Variants in CNTN4 observed in about 807,000 individuals in gnomAD.
CNTN4 encodes contactin-4.
In CNTN4, 77 loss-of-function variants were observed where a neutral mutation model predicts 122.5. The ratio of observed to expected loss-of-function variants is 0.63; its 90% CI spans 0.52 to 0.76. The LOEUF (loss-of-function observed/expected upper bound fraction) is 0.76, where lower values mean the gene tolerates loss of function less well. Ranked by LOEUF, CNTN4 falls within the 30% of genes least tolerant of loss-of-function variation. The pLI is 0.00. For synonymous variants in CNTN4, 512 were observed against 447.0 expected (o/e 1.15, Z -1.83); for missense variants, 1,256 against 1,259.1 (o/e 1.00, Z 0.04).
intron 6 of CNTN4, among the ~76,000 whole-genome samples, chr3:2,746,068 A>G (rs5019647): frequency 4.9e-4 from 15 of 30,658 alleles, no homozygotes; most frequent in Non-Finnish European, 1.5e-3. Flanking sequence ...GTGTATAAGC[A>G]AGCAATTGAA....
chr3:2,283,483 G>T (rs2041797720), intron 2 of CNTN4, among the ~76,000 whole-genome samples: 1 of 152,094 alleles, frequency 6.6e-6, no homozygotes, highest in Non-Finnish European at 1.5e-5. Context: ...ATATGTCACT[G>T]AAACAGGCTC....
intron 7 of CNTN4, among the ~76,000 whole-genome samples, chr3:2,849,764 A>T (rs903350514): frequency 6.6e-6 from 1 of 152,224 alleles, no homozygotes; most frequent in Admixed American, 6.5e-5. Flanking sequence ...GTTGTCTCCT[A>T]TGGCCAGCCA....
At chr3:2,977,119 T>A (rs1259426115) in intron 13 of CNTN4, among the ~76,000 whole-genome samples, 1 of 152,214 alleles carries the variant, frequency 6.6e-6, no homozygotes, top group African/African-American at 2.4e-5. Context: ...CCTTCTACAT[T>A]GTGACTATTT....
intron 2 of CNTN4, among the ~76,000 whole-genome samples, chr3:2,214,242 A>C (rs2038740030): frequency 1.3e-5 from 2 of 152,130 alleles, no homozygotes; most frequent in South Asian, 4.1e-4. Flanking sequence ...GGGGATACAC[A>C]CTTCAATTGA....
intron 3 of CNTN4, among the ~76,000 whole-genome samples, chr3:2,553,397 T>G (rs956643665): frequency 1.3e-5 from 2 of 152,194 alleles, no homozygotes; most frequent in African/African-American, 4.8e-5. Flanking sequence ...TTCATTTAAA[T>G]TAATATGTAA....
chr3:2,589,794 G>A (rs901164185), intron 4 of CNTN4, among the ~76,000 whole-genome samples: 1 of 152,132 alleles, frequency 6.6e-6, no homozygotes, highest in African/African-American at 2.4e-5. Context: ...TTGACGGTAG[G>A]CCTCTCTTCT....
chr3:2,828,224 A>T (rs776838824), intron 7 of CNTN4, among the ~76,000 whole-genome samples: 6 of 152,118 alleles, frequency 3.9e-5, no homozygotes, highest in Non-Finnish European at 7.3e-5. Flanking sequence ...TAATGGTTTT[A>T]GGTCCTGAGT....
chr3:2,481,224 T>G (rs1292561496), intron 3 of CNTN4, among the ~76,000 whole-genome samples: 2 of 151,836 alleles, frequency 1.3e-5, no homozygotes, highest in African/African-American at 2.4e-5. Context: ...CACTGCAACC[T>G]CCACCTCCCA....
At chr3:2,272,744 G>T (rs1465601843) in intron 2 of CNTN4, among the ~76,000 whole-genome samples, 1 of 152,010 alleles carries the variant, frequency 6.6e-6, no homozygotes, top group Non-Finnish European at 1.5e-5. Context: ...TTGCAATTAA[G>T]TGATTACTTA....
chr3:2,636,994 G>A (rs1359870924), intron 4 of CNTN4, among the ~76,000 whole-genome samples: 2 of 143,534 alleles, frequency 1.4e-5, no homozygotes, highest in Non-Finnish European at 3.0e-5. Context: ...CTGGAGTGCG[G>A]TGAGTGGCAT....
chr3:2,437,041 A>T (rs778314615), intron 3 of CNTN4, among the ~76,000 whole-genome samples: 1 of 151,840 alleles, frequency 6.6e-6, no homozygotes, highest in Middle Eastern at 3.2e-3. Flanking sequence ...CCTTAGATAA[A>T]ATGTTTACTT....
intron 13 of CNTN4, among the ~76,000 whole-genome samples, chr3:2,936,460 A>G (rs1011987013): frequency 1.3e-5 from 2 of 152,202 alleles, no homozygotes; most frequent in African/African-American, 4.8e-5. Flanking sequence ...AGGTATGACA[A>G]CGTAGCAGTG....
At chr3:2,301,543 T>C (rs1178493) in intron 2 of CNTN4, among the ~76,000 whole-genome samples, 66,324 of 152,044 alleles carry the variant, frequency 0.44, 15,072 homozygotes, top group East Asian at 0.6. Flanking sequence ...GAGGCCCTGA[T>C]CTTTTTTGTT....
chr3:2,181,407 A>T (rs1575019366), intron 2 of CNTN4, among the ~76,000 whole-genome samples: 1 of 152,114 alleles, frequency 6.6e-6, no homozygotes, highest in Non-Finnish European at 1.5e-5. Flanking sequence ...GAAAATTCAC[A>T]TTTAGTAGAA....
rs189398905 is a variant in CNTN4 at position 3,056,371 on chromosome 3, C to T, written c.*151C>T. The T allele has an allele frequency of 6.6e-4, 430 of 651,802 alleles. 4 individuals are homozygous for T. The highest frequency in any genetic ancestry group is 6.5e-3 in the African/African-American group (364 of 55,744). The allele number at this position is 651,802 out of a possible 1,614,324, so 40.4% of individuals were successfully genotyped here. A position where few individuals can be genotyped will look rare whatever the true frequency, so the allele number is the denominator to read the frequency against. On this transcript the variant is annotated 3_prime_UTR_variant, in exon 25 of 25. Transcript: ENST00000418658. ...TTGCTTCTTTAGGAATGGCATTATA[C>T]AGTACTTCCTCAAAGCAAATCTAGC...
At chr3:2,170,087 C>G (rs1183669548) in intron 2 of CNTN4, among the ~76,000 whole-genome samples, 5 of 150,992 alleles carry the variant, frequency 3.3e-5, no homozygotes, top group African/African-American at 7.3e-5. Context: ...TTTGGGAGGC[C>G]GAGGCGGGAG....
chr3:2,161,759 A>G lies in CNTN4; in HGVS notation c.-145+61120A>G, dbSNP rs138543278. Among the ~76,000 whole-genome samples the G allele has an allele frequency of 1.7e-3, 261 of 152,362 alleles. 1 individual carries two copies. The highest frequency in any genetic ancestry group is 5.8e-3 in the African/African-American group (242 of 41,580). ...TTAAGTAGTAAGAACATCAAATACT[A>G]GGAGCCAGTATAGTTAAGTTACGAA... On this transcript the variant is annotated intron_variant, in intron 2 of 24. Transcript: ENST00000418658.
intron 4 of CNTN4, among the ~76,000 whole-genome samples, chr3:2,602,200 T>C (rs1405090652): frequency 6.6e-6 from 1 of 152,190 alleles, no homozygotes; most frequent in East Asian, 1.9e-4. Flanking sequence ...GGATGCCCTC[T>C]CTCACCACTC....
At chr3:2,678,289 T>C (rs2084978873) in intron 4 of CNTN4, among the ~76,000 whole-genome samples, 1 of 152,210 alleles carries the variant, frequency 6.6e-6, no homozygotes, top group African/African-American at 2.4e-5. Context: ...AAGAAATTCT[T>C]TTTCAGCCCT....
Sources: gnomAD v4.1 joint callset for allele counts (sites outside exome capture counted in the v4.1 genomes callset) on GRCh38, gnomAD v4.1.1 for gene constraint, MANE v1.5 for transcripts, NCBI Gene and HGNC (gene_info 2026-07-23, HGNC 2026-07-21) for gene names.